The following VPS35L variants were observed in gnomAD, a reference collection of about 807,000 sequenced individuals.
VPS35L encodes the protein VPS35 endosomal protein-sorting factor-like.
In VPS35L, 83 loss-of-function variants were observed where a neutral mutation model predicts 133.0. The observed-to-expected ratio is 0.62, with a 90% confidence interval of 0.52 to 0.75. The LOEUF (loss-of-function observed/expected upper bound fraction) is 0.75. Among genes scored for constraint, VPS35L ranks in the 30% least tolerant of loss-of-function variants. VPS35L has a pLI of 0.00. For missense variants in VPS35L, 1,083 were observed against 1,206.8 expected, an observed-to-expected ratio of 0.90 and a Z score of 1.52; for synonymous variants, 423 against 449.9, an observed-to-expected ratio of 0.94 and a Z score of 0.76.
At chr16:19,612,731 G>T (rs533874823) in intron 12 of VPS35L, among the ~76,000 whole-genome samples, 3 of 152,300 alleles carry the variant, frequency 2.0e-5, no homozygotes, top group African/African-American at 7.2e-5. Flanking sequence ...AGAATGTGGG[G>T]AAGTATGTAT....
chr16:19,610,464 C>T (rs779749283), intron 12 of VPS35L, 49 bp downstream of exon 12: 2 of 1,469,554 alleles, frequency 1.4e-6, no homozygotes, highest in Admixed American at 3.6e-5. Context: ...CCACCCGTCT[C>T]CTTGAATGTT....
intron 2 of VPS35L, among the ~76,000 whole-genome samples, chr16:19,569,045 T>C (rs775891489): frequency 2.6e-5 from 4 of 152,204 alleles, no homozygotes; most frequent in Non-Finnish European, 5.9e-5. Flanking sequence ...TTGGTTTTGA[T>C]TGGTAGTCTC....
chr16:19,564,610 G>A (rs1308990013), intron 1 of VPS35L, among the ~76,000 whole-genome samples: 1 of 152,144 alleles, frequency 6.6e-6, no homozygotes, highest in East Asian at 1.9e-4. Context: ...TGTTGGCCAG[G>A]CTGGTCTCAA....
At chr16:19,656,179 G>A (rs1203315087) in intron 26 of VPS35L, among the ~76,000 whole-genome samples, 4 of 149,444 alleles carry the variant, frequency 2.7e-5, no homozygotes, top group South Asian at 4.2e-4. Flanking sequence ...CACGAGAATC[G>A]CTTGAACCCA....
At chr16:19,580,321 AG>A (rs1231135038) in intron 6 of VPS35L, among the ~76,000 whole-genome samples, 2 of 150,680 alleles carry the variant, frequency 1.3e-5, no homozygotes, top group Non-Finnish European at 3.0e-5. Context: ...GATGTTGACC[AG>A]GCTGGTCTCA....
intron 27 of VPS35L, among the ~76,000 whole-genome samples, chr16:19,670,098 T>G (rs1041592440): frequency 6.6e-6 from 1 of 152,178 alleles, no homozygotes; most frequent in African/African-American, 2.4e-5. Flanking sequence ...CCTGAGCAGC[T>G]GGGACTGCAG....
intron 12 of VPS35L, among the ~76,000 whole-genome samples, chr16:19,615,854 C>A (rs1169162581): frequency 6.6e-6 from 1 of 151,760 alleles, no homozygotes; most frequent in East Asian, 1.9e-4. Flanking sequence ...GTAATTCCAG[C>A]TACTCGGGAG....
At chr16:19,690,196 T>C (rs1215907961) in intron 28 of VPS35L, among the ~76,000 whole-genome samples, 1 of 152,144 alleles carries the variant, frequency 6.6e-6, no homozygotes, top group Non-Finnish European at 1.5e-5. Flanking sequence ...TGTGAGCCAC[T>C]GATCCCAGCC....
chr16:19,654,559 A>G (rs554625080), intron 26 of VPS35L, among the ~76,000 whole-genome samples: 9 of 150,532 alleles, frequency 6.0e-5, no homozygotes, highest in Non-Finnish European at 1.0e-4. Context: ...AAAAAAAAAA[A>G]GAAAGAAACA....
At chr16:19,576,462 G>T (rs888796481) in intron 5 of VPS35L, among the ~76,000 whole-genome samples, 5 of 152,200 alleles carry the variant, frequency 3.3e-5, no homozygotes, top group Non-Finnish European at 7.3e-5. Context: ...CTGCCGTGTA[G>T]CAGGATTTCC....
chr16:19,578,076 T>C (rs1050807184), intron 5 of VPS35L, among the ~76,000 whole-genome samples: 3 of 152,172 alleles, frequency 2.0e-5, no homozygotes, highest in Non-Finnish European at 2.9e-5. Context: ...GCAGGCCAAG[T>C]CTGGTCCACT....
rs754703041 is a variant in VPS35L at position 19,569,416 on chromosome 16, C to T, written c.118-8C>T. The T allele has an allele frequency of 1.3e-6, 2 of 1,592,410 alleles. No individual in the cohort carries two copies. Among genetic ancestry groups the T allele is most frequent in the South Asian group, 2.3e-5 (2 of 87,360 alleles). On this transcript the variant is annotated splice_region_variant and splice_polypyrimidine_tract_variant and intron_variant, in intron 2 of 30. Transcript: ENST00000417362. ...GTTCCGTTTTACCTCCAGAAATTTT[C>T]CTCACAGGTCACAGAGTCAAAGACA...
At chr16:19,700,208 G>A (rs769437424) in intron 30 of VPS35L, among the ~76,000 whole-genome samples, 170 bp from the exon 31 acceptor site, 1 of 152,168 alleles carries the variant, frequency 6.6e-6, no homozygotes, top group Non-Finnish European at 1.5e-5. Flanking sequence ...TTTAGGGCAA[G>A]CTGCAATCCA....
At chr16:19,623,625 A>G (rs996681232) in intron 14 of VPS35L, among the ~76,000 whole-genome samples, 1 of 152,026 alleles carries the variant, frequency 6.6e-6, no homozygotes, top group African/African-American at 2.4e-5. Flanking sequence ...GCTCTCACTT[A>G]TTCAGGCAAC....
At chr16:19,681,509 T>A (rs923148837) in intron 27 of VPS35L, among the ~76,000 whole-genome samples, 6 of 152,192 alleles carry the variant, frequency 3.9e-5, no homozygotes, top group Admixed American at 3.3e-4. Flanking sequence ...CGTGCAGAGC[T>A]TCTGCACAGA....
chr16:19,602,644 C>G (rs889557792), intron 9 of VPS35L, among the ~76,000 whole-genome samples: 1 of 151,946 alleles, frequency 6.6e-6, no homozygotes, highest in Non-Finnish European at 1.5e-5. Flanking sequence ...GCTCTGTCAC[C>G]CAGGCTGCAG....
In VPS35L at chr16:19,647,519, C is replaced by A. The variant is rs571503491; in HGVS notation, c.1930-265C>A. ...TGGCAAACCTTCTGACAAGGGGCCCCCAATAACCACATTTATGTTCTGTGA... is the reference window on the plus strand; with the variant it reads ...TGGCAAACCTTCTGACAAGGGGCCCACAATAACCACATTTATGTTCTGTGA... On this transcript the variant is annotated intron_variant, in intron 23 of 30. Transcript: ENST00000417362. Among the ~76,000 whole-genome samples, 44 of 152,238 alleles carry A rather than the reference C, an allele frequency of 2.9e-4. 2 individuals are homozygous for A. In the South Asian group the frequency reaches 8.5e-3, roughly 29 times the overall value.
chr16:19,556,333 C>T (rs1240421717), intron 1 of VPS35L, among the ~76,000 whole-genome samples: 2 of 141,882 alleles, frequency 1.4e-5, no homozygotes, highest in Admixed American at 7.1e-5. Flanking sequence ...TGATTATCCC[C>T]ACCAGGGGGC....
rs561161305 is a variant in VPS35L at position 19,558,714 on chromosome 16, A to G, written c.17+2968A>G. ...GGCGGGTGGATCACTTGATGTCCGG[A>G]GTTCAAGACCAGCCTGACCAACATA... On this transcript the variant is annotated intron_variant, in intron 1 of 30. Transcript: ENST00000417362. Among the ~76,000 whole-genome samples the G allele has an allele frequency of 4.4e-4, 67 of 152,094 alleles. 1 individual carries two copies. In the East Asian group the frequency reaches 4.4e-3, roughly 10 times the overall value.
Sources: allele counts gnomAD v4.1 joint callset (sites outside exome capture counted in the v4.1 genomes callset), GRCh38; gene constraint gnomAD v4.1.1; transcripts MANE v1.5; gene names NCBI Gene and HGNC (gene_info 2026-07-23, HGNC 2026-07-21).